Variants in ZFPM2 observed in about 807,000 individuals in gnomAD.
The protein encoded by ZFPM2 is zinc finger protein ZFPM2.
ZFPM2 carries 20 observed loss-of-function variants against 98.6 expected under a neutral mutation model. That is an observed-to-expected ratio of 0.20 (90% CI 0.14 to 0.29). The LOEUF (loss-of-function observed/expected upper bound fraction) is 0.29, where lower values mean the gene tolerates loss of function less well. Among genes scored for constraint, ZFPM2 ranks in the 10% least tolerant of loss-of-function variants. The pLI is 1.00. For synonymous variants in ZFPM2, 518 were observed against 502.7 expected (o/e 1.03, Z -0.41); for missense variants, 1,310 against 1,388.6 (o/e 0.94, Z 0.90).
chr8:105,401,416 GTGTACT>G (rs1352146550), intron 1 of ZFPM2, among the ~76,000 whole-genome samples: 2 of 151,924 alleles, frequency 1.3e-5, no homozygotes, highest in African/African-American at 4.8e-5. Context: ...TTTAAATTGC[GTGTACT>G]TGTATTTACC....
intron 3 of ZFPM2, among the ~76,000 whole-genome samples, chr8:105,517,858 A>T (rs902973310): frequency 1.3e-5 from 2 of 152,058 alleles, no homozygotes; most frequent in African/African-American, 4.8e-5. Context: ...ATTGCAGTGA[A>T]CCATGTTCAT....
At chr8:105,589,293 A>G (rs1396813915) in intron 4 of ZFPM2, among the ~76,000 whole-genome samples, 2 of 152,220 alleles carry the variant, frequency 1.3e-5, no homozygotes, top group Non-Finnish European at 2.9e-5. Context: ...CAATTTTATC[A>G]TAGATCATCC....
At chr8:105,477,406 G>A (rs1457896290) in intron 3 of ZFPM2, among the ~76,000 whole-genome samples, 1 of 151,590 alleles carries the variant, frequency 6.6e-6, no homozygotes, top group Non-Finnish European at 1.5e-5. Flanking sequence ...CACCATGCCT[G>A]GCTAATTTTT....
intron 2 of ZFPM2, among the ~76,000 whole-genome samples, chr8:105,421,168 T>C (rs1439276948): frequency 1.3e-5 from 2 of 152,108 alleles, no homozygotes; most frequent in African/African-American, 4.8e-5. Context: ...TGAAAAATAA[T>C]GACAGACTTT....
intron 1 of ZFPM2, among the ~76,000 whole-genome samples, chr8:105,388,599 T>C (rs2129919641): frequency 6.6e-6 from 1 of 152,228 alleles, no homozygotes; most frequent in Admixed American, 6.5e-5. Context: ...AGAAAACCAC[T>C]GAGGAATTCT....
At chr8:105,332,427 T>TA (rs1221040618) in intron 1 of ZFPM2, among the ~76,000 whole-genome samples, 1 of 151,746 alleles carries the variant, frequency 6.6e-6, no homozygotes, top group East Asian at 1.9e-4. Flanking sequence ...AAAATTTTTT[T>TA]AAAAACCCAC....
chr8:105,499,279 A>G (rs1199847426), intron 3 of ZFPM2, among the ~76,000 whole-genome samples: 2 of 151,488 alleles, frequency 1.3e-5, no homozygotes, highest in Non-Finnish European at 2.9e-5. Context: ...TGGAGCTGGG[A>G]GAGAAAAGGT....
chr8:105,437,524 CAG>C (rs1812148307), intron 2 of ZFPM2, among the ~76,000 whole-genome samples: 1 of 152,070 alleles, frequency 6.6e-6, no homozygotes, highest in African/African-American at 2.4e-5. Flanking sequence ...TGAGAATGAT[CAG>C]GGGTAAATTT....
intron 4 of ZFPM2, among the ~76,000 whole-genome samples, chr8:105,570,298 T>C (rs1815327140): frequency 6.6e-6 from 1 of 151,482 alleles, no homozygotes; most frequent in Admixed American, 6.6e-5. Context: ...TTTTGTTGTT[T>C]TATTGATTTT....
chr8:105,369,291 ATAT>A (rs1410793629), intron 1 of ZFPM2, among the ~76,000 whole-genome samples: 1 of 152,148 alleles, frequency 6.6e-6, no homozygotes, highest in Non-Finnish European at 1.5e-5. Flanking sequence ...TATGTGCTAA[ATAT>A]TATTATGTTT....
At chr8:105,360,670 G>A (rs964887249) in intron 1 of ZFPM2, among the ~76,000 whole-genome samples, 2 of 138,792 alleles carry the variant, frequency 1.4e-5, no homozygotes, top group Non-Finnish European at 1.5e-5. Flanking sequence ...TCCCCTTCCT[G>A]TGTCCATGTG....
At chr8:105,345,226 C>T (rs1812497618) in intron 1 of ZFPM2, among the ~76,000 whole-genome samples, 1 of 151,944 alleles carries the variant, frequency 6.6e-6, no homozygotes, top group Non-Finnish European at 1.5e-5. Flanking sequence ...AGAATTTTTC[C>T]CCTATCATAA....
In ZFPM2 at chr8:105,798,414, C is replaced by T. The variant is rs532870140; in HGVS notation, c.740-310C>T. ...GCAGTGAGTTGAGATCGCACCACTGCACTGCAGCCTAGGTAACACAGTGAG... is the reference window on the plus strand; with the variant it reads ...GCAGTGAGTTGAGATCGCACCACTGTACTGCAGCCTAGGTAACACAGTGAG... On this transcript the variant is annotated intron_variant, in intron 6 of 7. Coordinates refer to ENST00000407775, the MANE Select transcript of ZFPM2 (RefSeq NM_012082.4). The T allele has an allele frequency of 2.3e-5, 5 of 216,688 alleles. No individual in the cohort carries two copies. The South Asian group carries it at 3.4e-4, about 15-fold the overall frequency. 13.4% of individuals were successfully genotyped at this position (216,688 alleles called of 1,614,324 possible).
intron 3 of ZFPM2, among the ~76,000 whole-genome samples, chr8:105,506,244 C>T (rs1813695847): frequency 6.6e-6 from 1 of 152,142 alleles, no homozygotes; most frequent in Admixed American, 6.5e-5. Context: ...GGATTATACT[C>T]AACCTACTCC....
chr8:105,494,364 G>A (rs1191528587), intron 3 of ZFPM2, among the ~76,000 whole-genome samples: 2 of 151,118 alleles, frequency 1.3e-5, no homozygotes, highest in African/African-American at 2.4e-5. Context: ...TGTCATCCTC[G>A]ACTCTTGGGT....
At chr8:105,538,035 C>G (rs558766132) in intron 3 of ZFPM2, among the ~76,000 whole-genome samples, 5 of 152,090 alleles carry the variant, frequency 3.3e-5, no homozygotes, top group Non-Finnish European at 7.4e-5. Flanking sequence ...GACAACAAAT[C>G]TTTGCTAATA....
intron 5 of ZFPM2, among the ~76,000 whole-genome samples, chr8:105,654,511 T>G (rs1413850191): frequency 1.3e-5 from 2 of 152,190 alleles, no homozygotes; most frequent in Admixed American, 1.3e-4. Flanking sequence ...GATTTGAAGT[T>G]TTGTGCCGGA....
Position 105,554,909 on chromosome 8 carries a change from A to G in ZFPM2, c.302-6454A>G, listed in dbSNP as rs138314590. On this transcript the variant is annotated intron_variant, in intron 3 of 7. Coordinates refer to ENST00000407775, the MANE Select transcript of ZFPM2 (RefSeq NM_012082.4). ...TTTCTAAAGAGGCATCAAAAAGACC[A>G]TATTAAAAAAATACAATGTCTTGAT... is the stretch of plus-strand genomic sequence containing the variant. 9.5e-3 allele frequency among the ~76,000 whole-genome samples: 1,445 copies of G among 152,282 alleles called. 23 individuals carry two copies. Among genetic ancestry groups the G allele is most frequent in the African/African-American group, 0.033 (1,388 of 41,550 alleles).
At chr8:105,409,235 T>A (rs1302227066) in intron 1 of ZFPM2, among the ~76,000 whole-genome samples, 3 of 151,874 alleles carry the variant, frequency 2.0e-5, no homozygotes, top group Non-Finnish European at 2.9e-5. Context: ...GCCATAATTT[T>A]AAAAAATTGA....
Sources: gnomAD v4.1 joint callset for allele counts (sites outside exome capture counted in the v4.1 genomes callset) on GRCh38, gnomAD v4.1.1 for gene constraint, MANE v1.5 for transcripts, NCBI Gene and HGNC (gene_info 2026-07-23, HGNC 2026-07-21) for gene names.